The following PPP1R12B variants were observed in gnomAD, a reference collection of about 807,000 sequenced individuals.
PPP1R12B encodes myosin phosphatase target subunit 2.
PPP1R12B carries 76 observed loss-of-function variants against 126.1 expected under a neutral mutation model. The observed-to-expected ratio is 0.60, with a 90% CI of 0.50 to 0.73. The LOEUF is 0.73. Ranked by LOEUF, PPP1R12B falls within the 30% of genes least tolerant of loss-of-function variation. The probability of loss-of-function intolerance (pLI) is 0.00; values close to 1 mark genes in which losing one functional copy is unlikely to be tolerated. For synonymous variants in PPP1R12B, 356 were observed against 434.7 expected, an observed-to-expected ratio of 0.82 and a Z score of 2.25; for missense variants, 1,052 against 1,205.1, an observed-to-expected ratio of 0.87 and a Z score of 1.88.
chr1:202,422,761 G>T, intron 3 of PPP1R12B, 23 bp downstream of exon 3: 1 of 1,612,636 alleles, frequency 6.2e-7, no homozygotes, highest in South Asian at 1.1e-5. Flanking sequence ...ATTGGAGGGG[G>T]CCAGGAAAGA....
rs1419874619 is a variant in PPP1R12B at position 202,584,247 on chromosome 1, T to G, written c.*3687T>G. Reference sequence around the variant, plus strand: ...TCTCTTCTGGGCTTCCCCTGGTTTCTGTCCTAGTTCCCACCCCAAGTTTAA... The same window carrying G: ...TCTCTTCTGGGCTTCCCCTGGTTTCGGTCCTAGTTCCCACCCCAAGTTTAA... On this transcript the variant is annotated 3_prime_UTR_variant, in exon 24 of 24. Transcript: ENST00000608999. 6.6e-6 allele frequency: 1 copy of G among 152,256 alleles called. No individual in the cohort carries two copies. Among genetic ancestry groups the G allele is most frequent in the Non-Finnish European group, 1.5e-5 (1 of 68,058 alleles). 9.4% of individuals were successfully genotyped at this position (152,256 alleles called of 1,614,324 possible). A position where few individuals can be genotyped will look rare whatever the true frequency, so the allele number is the denominator to read the frequency against.
intron 18 of PPP1R12B, among the ~76,000 whole-genome samples, chr1:202,516,055 T>C (rs538522749): frequency 6.6e-6 from 1 of 152,358 alleles, no homozygotes; most frequent in East Asian, 1.9e-4. Flanking sequence ...CTCAGTTTCC[T>C]TAACTTTAAA....
At position 202,495,643 on chromosome 1, in the gene PPP1R12B, A is replaced by G; in HGVS notation, c.2409A>G (p.Glu803=). The G allele has an allele frequency of 6.2e-7, 1 of 1,614,138 alleles. No individual in the cohort carries two copies. The highest frequency in any genetic ancestry group is 8.5e-7 in the Non-Finnish European group (1 of 1,180,014). ...LSIRERRRPK[E]RRRGTGINFW... ...TCCGAGAGAGGAGGCGGCCCAAGGA[A>G]CGACGAAGAGGCACAGGCATCAATT... is the stretch of plus-strand genomic sequence containing the variant. The change falls in exon 17 of 24, where the codon GAA becomes GAG. Residue 803 remains glutamate, a synonymous_variant. Transcript: ENST00000608999.
At chr1:202,499,541 C>T (rs1679966116) in intron 18 of PPP1R12B, among the ~76,000 whole-genome samples, 1 of 152,206 alleles carries the variant, frequency 6.6e-6, no homozygotes, top group South Asian at 2.1e-4. Flanking sequence ...AGGCATGAGC[C>T]ACAATGCCCA....
chr1:202,468,681 C>T (rs1233704689), intron 13 of PPP1R12B, among the ~76,000 whole-genome samples: 1 of 152,272 alleles, frequency 6.6e-6, no homozygotes, highest in Non-Finnish European at 1.5e-5. Flanking sequence ...TGGCTGGGCA[C>T]GGTGGCTCAT....
In PPP1R12B at chr1:202,388,050, A is replaced by G. The variant is rs1016986514; in HGVS notation, c.292-28737A>G. ...TCAATACAAAATAGTTTTTCAAACC[A>G]TCATTTGGAATATAATAGGTATACA... On this transcript the variant is annotated intron_variant, in intron 1 of 23. Transcript: ENST00000608999. 3.9e-5 allele frequency among the ~76,000 whole-genome samples: 6 copies of G among 151,970 alleles called. 1 individual carries two copies. Among genetic ancestry groups the G allele is most frequent in the African/African-American group, 1.4e-4 (6 of 41,396 alleles).
At chr1:202,387,260 A>G (rs1168605225) in intron 1 of PPP1R12B, among the ~76,000 whole-genome samples, 2 of 152,248 alleles carry the variant, frequency 1.3e-5, no homozygotes, top group African/African-American at 2.4e-5. Flanking sequence ...GCATATTAAC[A>G]AGACTAACTG....
At chr1:202,429,391 A>G (rs1262089122) in intron 6 of PPP1R12B, among the ~76,000 whole-genome samples, 1 of 152,204 alleles carries the variant, frequency 6.6e-6, no homozygotes, top group Non-Finnish European at 1.5e-5. Flanking sequence ...TAAAACTGTC[A>G]TTTCATATAG....
chr1:202,571,861 A>G (rs1688643366), intron 23 of PPP1R12B, among the ~76,000 whole-genome samples: 1 of 152,158 alleles, frequency 6.6e-6, no homozygotes, highest in Non-Finnish European at 1.5e-5. Flanking sequence ...TGTAAACTCT[A>G]AAGCCCCTAA....
intron 1 of PPP1R12B, among the ~76,000 whole-genome samples, chr1:202,364,347 A>G (rs1658749595): frequency 6.6e-6 from 1 of 152,184 alleles, no homozygotes; most frequent in South Asian, 2.1e-4. Context: ...GTCATTATTC[A>G]TGTTCCAAGA....
Position 202,393,435 on chromosome 1 carries a change from CT to C in PPP1R12B, c.292-23342del, listed in dbSNP as rs969256508. Among the ~76,000 whole-genome samples the C allele has an allele frequency of 1.3e-4, 19 of 141,862 alleles. No individual in the cohort carries two copies. In the East Asian group the frequency reaches 1.6e-3, roughly 12 times the overall value. 93.1% of individuals were successfully genotyped at this position (141,862 alleles called of 152,430 possible). ...TTTAACAGAAATTTAAAAATTAGTTCTTTTTTTTTTCCTTGAACCAAAAGAA... is the reference window on the plus strand; with the variant it reads ...TTTAACAGAAATTTAAAAATTAGTTCTTTTTTTTTCCTTGAACCAAAAGAA... On this transcript the variant is annotated intron_variant, in intron 1 of 23. Transcript: ENST00000608999.
intron 18 of PPP1R12B, among the ~76,000 whole-genome samples, chr1:202,519,432 T>C (rs76460756): frequency 8.7e-5 from 13 of 149,168 alleles, no homozygotes; most frequent in Non-Finnish European, 1.5e-4. Context: ...ACCCAGCTAA[T>C]TTTTTTTTTC....
Position 202,592,574 on chromosome 1 carries a change from T to C in PPP1R12B, c.*12014T>C, listed in dbSNP as rs1258231881. ...GATTAAACAAGATTCTGTTCATATG[T>C]TTCTAGGTAATTATCTTCTTTTATA... On this transcript the variant is annotated 3_prime_UTR_variant, in exon 24 of 24. Transcript: ENST00000608999. 6.6e-6 allele frequency: 1 copy of C among 152,240 alleles called. No homozygotes were observed. The highest frequency in any genetic ancestry group is 1.9e-4 in the East Asian group (1 of 5,196). 9.4% of individuals were successfully genotyped at this position (152,240 alleles called of 1,614,324 possible).
At chr1:202,523,331 A>G (rs1228648987) in intron 18 of PPP1R12B, among the ~76,000 whole-genome samples, 3 of 152,236 alleles carry the variant, frequency 2.0e-5, no homozygotes, top group African/African-American at 7.2e-5. Context: ...ACTAGAAAGG[A>G]GAATTGAATA....
intron 13 of PPP1R12B, among the ~76,000 whole-genome samples, chr1:202,478,836 AC>A (rs1677004880): frequency 6.6e-6 from 1 of 152,212 alleles, no homozygotes; most frequent in South Asian, 2.1e-4. Flanking sequence ...TCCTGATCTT[AC>A]CTACCAGGTT....
intron 1 of PPP1R12B, among the ~76,000 whole-genome samples, chr1:202,396,676 AG>A (rs916589419): frequency 2.0e-5 from 3 of 152,190 alleles, no homozygotes; most frequent in Admixed American, 1.3e-4. Flanking sequence ...TCGCACTGCA[AG>A]GCTTGGCTCA....
At chr1:202,408,480 A>G (rs1413252044) in intron 1 of PPP1R12B, among the ~76,000 whole-genome samples, 2 of 152,180 alleles carry the variant, frequency 1.3e-5, no homozygotes, top group Admixed American at 6.5e-5. Context: ...AGTTACTAGT[A>G]AGGATTGAGG....
At chr1:202,375,063 C>T (rs747377503) in intron 1 of PPP1R12B, among the ~76,000 whole-genome samples, 3 of 152,190 alleles carry the variant, frequency 2.0e-5, no homozygotes, top group Non-Finnish European at 2.9e-5. Flanking sequence ...ATGCCTCAGC[C>T]TCCCGAGTAG....
At chr1:202,494,429 A>G (rs1057069869) in intron 15 of PPP1R12B, among the ~76,000 whole-genome samples, 4 of 152,164 alleles carry the variant, frequency 2.6e-5, no homozygotes, top group Non-Finnish European at 5.9e-5. Flanking sequence ...CAAATTTACT[A>G]CATTTTATTG....
Sources: gnomAD v4.1 joint callset for allele counts (sites outside exome capture counted in the v4.1 genomes callset) on GRCh38, gnomAD v4.1.1 for gene constraint, MANE v1.5 for transcripts, NCBI Gene and HGNC (gene_info 2026-07-23, HGNC 2026-07-21) for gene names.